PCBP3: variants seen among roughly 807,000 people sequenced by gnomAD.
PCBP3 encodes poly(rC) binding protein 3.
Under a neutral mutation model 52.7 loss-of-function variants are expected in PCBP3, and 25 were observed. That is an observed-to-expected ratio of 0.47 (90% CI 0.35 to 0.66). PCBP3 has a LOEUF of 0.66. Among genes scored for constraint, PCBP3 ranks in the 30% least tolerant of loss-of-function variants. The pLI is 0.01. For missense variants in PCBP3, 391 were observed against 490.3 expected, an observed-to-expected ratio of 0.80 and a Z score of 1.91; for synonymous variants, 162 against 183.0, an observed-to-expected ratio of 0.89 and a Z score of 0.93.
At chr21:45,841,560 A>G (rs1327676601) in intron 4 of PCBP3, among the ~76,000 whole-genome samples, 1 of 152,148 alleles carries the variant, frequency 6.6e-6, no homozygotes, top group Non-Finnish European at 1.5e-5. Context: ...GTTCAGTTTC[A>G]CATATTACGC....
At chr21:45,731,618 T>G (rs2085461704) in intron 2 of PCBP3, among the ~76,000 whole-genome samples, 1 of 152,238 alleles carries the variant, frequency 6.6e-6, no homozygotes, top group African/African-American at 2.4e-5. Flanking sequence ...AAGTGGATAC[T>G]TTTTACAGTA....
At chr21:45,867,691 C>T (rs1337140759) in intron 5 of PCBP3, among the ~76,000 whole-genome samples, 1 of 152,282 alleles carries the variant, frequency 6.6e-6, no homozygotes, top group African/African-American at 2.4e-5. Flanking sequence ...GGGCTGCGCC[C>T]ATCGTGGAGA....
intron 4 of PCBP3, among the ~76,000 whole-genome samples, chr21:45,815,965 G>GTGAGTGA (rs1188364876): frequency 8.1e-6 from 1 of 123,858 alleles, no homozygotes; most frequent in African/African-American, 3.2e-5. Flanking sequence ...GTGGTGAGTA[G>GTGAGTGA]TGAGTGATGA....
chr21:45,768,410 C>G (rs2089560177), intron 4 of PCBP3, among the ~76,000 whole-genome samples: 1 of 152,226 alleles, frequency 6.6e-6, no homozygotes, highest in Non-Finnish European at 1.5e-5. Context: ...CAGTGGAAAT[C>G]ACTGGCAGAA....
At chr21:45,660,544 C>T (rs992581034) in intron 1 of PCBP3, among the ~76,000 whole-genome samples, 5 of 152,114 alleles carry the variant, frequency 3.3e-5, no homozygotes, top group African/African-American at 1.2e-4. Context: ...TTCTATTACT[C>T]CATTACTGAC....
intron 4 of PCBP3, among the ~76,000 whole-genome samples, chr21:45,780,474 T>C (rs750214324): frequency 3.9e-5 from 6 of 152,374 alleles, no homozygotes; most frequent in Middle Eastern, 6.8e-3. Context: ...CTTAGGCACC[T>C]GGTCCAACCT....
intron 4 of PCBP3, among the ~76,000 whole-genome samples, chr21:45,825,774 C>T (rs1228479314): frequency 1.3e-5 from 2 of 152,022 alleles, no homozygotes; most frequent in African/African-American, 4.8e-5. Flanking sequence ...GGCAGGGCAT[C>T]GAGGTTGCCC....
chr21:45,671,111 C>T (rs867748361), intron 2 of PCBP3, among the ~76,000 whole-genome samples: 5 of 152,212 alleles, frequency 3.3e-5, no homozygotes, highest in Admixed American at 6.5e-5. Context: ...TAGATGCAGG[C>T]ATGAAATCTG....
intron 4 of PCBP3, among the ~76,000 whole-genome samples, chr21:45,848,754 AGC>A (rs2093879046): frequency 1.3e-5 from 2 of 152,128 alleles, no homozygotes; most frequent in African/African-American, 4.8e-5. Flanking sequence ...TTTGGACTGC[AGC>A]GCTGGGTGGG....
Position 45,935,276 on chromosome 21 carries a change from A to G in PCBP3, c.880A>G (p.Ser294Gly). Residue 294 changes from serine (S) to glycine (G), a missense_variant, in exon 16 of 18, where the codon AGC (serine) becomes GGC (glycine). Coordinates refer to ENST00000681687, the MANE Select transcript of PCBP3 (RefSeq NM_001384156.1). ...SSGLDASPPA[S>G]THELTIPNDL... ...AGGTCTGGACGCCAGCCCACCGGCC[A>G]GCACTCATGAGCTCACCATTCCCAA... 3 of 1,613,258 alleles carry G rather than the reference A, an allele frequency of 1.9e-6. No homozygotes were observed. Among genetic ancestry groups the G allele is most frequent in the Non-Finnish European group, 2.5e-6 (3 of 1,179,538 alleles).
chr21:45,815,644 G>C (rs1291969896), intron 4 of PCBP3, among the ~76,000 whole-genome samples: 1 of 69,690 alleles, frequency 1.4e-5, no homozygotes, highest in Non-Finnish European at 2.8e-5. Context: ...AGTGGTGAGT[G>C]AGTGGTGAGT....
intron 4 of PCBP3, among the ~76,000 whole-genome samples, chr21:45,803,024 A>C (rs1235768096): frequency 6.6e-6 from 1 of 152,258 alleles, no homozygotes; most frequent in African/African-American, 2.4e-5. Flanking sequence ...TTTGAAAACA[A>C]AAATTGTTTT....
At chr21:45,877,158 A>C (rs1294872763) in intron 5 of PCBP3, among the ~76,000 whole-genome samples, 3 of 152,074 alleles carry the variant, frequency 2.0e-5, no homozygotes, top group African/African-American at 7.2e-5. Context: ...GATGTCATTC[A>C]CTGTTATTTT....
At chr21:45,894,100 T>A (rs1419062586) in intron 5 of PCBP3, 8 of 902,720 alleles carry the variant, frequency 8.9e-6, no homozygotes, top group African/African-American at 3.6e-5. Context: ...TGGGAGCTGC[T>A]GACTGGAGCA....
intron 5 of PCBP3, among the ~76,000 whole-genome samples, chr21:45,889,682 G>A (rs566301603): frequency 1.3e-5 from 2 of 152,316 alleles, no homozygotes; most frequent in South Asian, 2.1e-4. Flanking sequence ...CAATTCCTGA[G>A]TCTCCCTGCC....
chr21:45,891,262 A>G (rs1402033571), intron 5 of PCBP3, among the ~76,000 whole-genome samples: 1 of 152,248 alleles, frequency 6.6e-6, no homozygotes, highest in Non-Finnish European at 1.5e-5. Flanking sequence ...TGGTACCTGC[A>G]GGAAATGGAA....
chr21:45,857,968 C>T (rs572805073), intron 5 of PCBP3, among the ~76,000 whole-genome samples: 69 of 152,300 alleles, frequency 4.5e-4, no homozygotes, highest in African/African-American at 1.6e-3. Context: ...TGCCTCCCCC[C>T]ACAGCCAAGC....
At chr21:45,836,741 A>C (rs2093598463) in intron 4 of PCBP3, among the ~76,000 whole-genome samples, 1 of 151,678 alleles carries the variant, frequency 6.6e-6, no homozygotes, top group Non-Finnish European at 1.5e-5. Flanking sequence ...TTCTCTTTAA[A>C]ATAATTTTAT....
chr21:45,690,755 A>G (rs1359331026), intron 2 of PCBP3, among the ~76,000 whole-genome samples: 1 of 152,202 alleles, frequency 6.6e-6, no homozygotes, highest in Non-Finnish European at 1.5e-5. Context: ...AGCTAAAAGC[A>G]CAAGGAGATA....
Sources: gnomAD v4.1 joint callset for allele counts (sites outside exome capture counted in the v4.1 genomes callset) on GRCh38, gnomAD v4.1.1 for gene constraint, MANE v1.5 for transcripts, NCBI Gene and HGNC (gene_info 2026-07-23, HGNC 2026-07-21) for gene names.